The following HSD17B11 variants were observed in gnomAD, a reference collection of about 807,000 sequenced individuals.
HSD17B11 encodes estradiol 17-beta-dehydrogenase 11.
In HSD17B11, 22 loss-of-function variants were observed where a neutral mutation model predicts 27.8. That is an observed-to-expected ratio of 0.79 (90% confidence interval 0.56 to 1.13). HSD17B11 has a LOEUF of 1.13. HSD17B11 is among the 50% of genes most tolerant of loss of function. HSD17B11 has a pLI of 0.00. For synonymous variants in HSD17B11, 117 were observed against 132.8 expected (o/e 0.88, Z 0.82); for missense variants, 314 against 351.1 (o/e 0.89, Z 0.84).
At position 87,370,964 on chromosome 4, in the gene HSD17B11, G is replaced by T. The variant is rs1296813086; in HGVS notation, c.557+1745C>A. Among the ~76,000 whole-genome samples the T allele has an allele frequency of 3.9e-5, 5 of 126,614 alleles. 1 individual carries two copies. Among genetic ancestry groups the T allele is most frequent in the African/African-American group, 1.8e-4 (5 of 27,702 alleles). The allele number at this position is 126,614 out of a possible 152,430, so 83.1% of individuals were successfully genotyped here. ...AGACGGGGTTTCACCGTGTTAGCCAGGATGGTCTCGATCTCCTGACCTCGT... is the reference window on the plus strand; with the variant it reads ...AGACGGGGTTTCACCGTGTTAGCCATGATGGTCTCGATCTCCTGACCTCGT... On this transcript the variant is annotated intron_variant, in intron 4 of 6. Transcript: ENST00000358290.
In HSD17B11 at chr4:87,360,568, G is replaced by C. The variant is rs537409655; in HGVS notation, c.558-3152C>G. Among the ~76,000 whole-genome samples, 8 of 152,308 alleles carry C rather than the reference G, an allele frequency of 5.3e-5. No homozygotes were observed. In the East Asian group the frequency reaches 1.5e-3, roughly 29 times the overall value. On this transcript the variant is annotated intron_variant, in intron 4 of 6. Transcript: ENST00000358290. The stretch of plus-strand genomic sequence containing the variant: ...CAAATGCATACAGTGATTGGCTCCA[G>C]GCTAGTCTAGTCACTGACCTCTAGA...
intron 4 of HSD17B11, among the ~76,000 whole-genome samples, chr4:87,357,949 ATTTT>A (rs57139706): frequency 0.018 from 1,459 of 80,220 alleles, 51 homozygotes; most frequent in African/African-American, 0.056. Flanking sequence ...CATTAGAGAA[ATTTT>A]TTTTTTTTTT....
chr4:87,360,052 C>T (rs1203708214), intron 4 of HSD17B11, among the ~76,000 whole-genome samples: 1 of 152,006 alleles, frequency 6.6e-6, no homozygotes, highest in Non-Finnish European at 1.5e-5. Context: ...AAATGATTTA[C>T]TTTAGGAATA....
chr4:87,358,126 T>G (rs1735427990), intron 4 of HSD17B11, among the ~76,000 whole-genome samples: 2 of 151,960 alleles, frequency 1.3e-5, no homozygotes, highest in African/African-American at 4.8e-5. Flanking sequence ...CATGCTCGGC[T>G]AATTTTTTGT....
At position 87,378,845 on chromosome 4, in the gene HSD17B11, AATATATATATAAATATATATAAAT is replaced by A. The variant is rs1720005770; in HGVS notation, c.318+3386_318+3409del. ...ATATATATATAAATATATATATATA[AATATATATATAAATATATATAAAT>A]ATATATATATAAATATATATATATA... On this transcript the variant is annotated intron_variant, in intron 2 of 6. Transcript: ENST00000358290. Among the ~76,000 whole-genome samples the A allele has an allele frequency of 1.1e-4, 2 of 18,122 alleles. 1 individual carries two copies. Among genetic ancestry groups the A allele is most frequent in the Non-Finnish European group, 2.0e-4 (2 of 10,080 alleles). The allele number at this position is 18,122 out of a possible 152,430, so 11.9% of individuals were successfully genotyped here.
Position 87,378,927 on chromosome 4 carries a change from T to C in HSD17B11, c.318+3328A>G, listed in dbSNP as rs58610685. ...ATAAATATATATATATAAATATATATAAATATATATATATATATATTTATA... is the reference window on the plus strand; with the variant it reads ...ATAAATATATATATATAAATATATACAAATATATATATATATATATTTATA... On this transcript the variant is annotated intron_variant, in intron 2 of 6. Coordinates refer to ENST00000358290, the MANE Select transcript of HSD17B11 (RefSeq NM_016245.5). 1.6e-4 allele frequency among the ~76,000 whole-genome samples: 2 copies of C among 12,698 alleles called. 1 individual carries two copies. The highest frequency in any genetic ancestry group is 1.2e-3 in the African/African-American group (2 of 1,724). 8.3% of individuals were successfully genotyped at this position (12,698 alleles called of 152,430 possible).
intron 1 of HSD17B11, among the ~76,000 whole-genome samples, chr4:87,383,348 T>A (rs2110132997): frequency 6.6e-6 from 1 of 152,212 alleles, no homozygotes; most frequent in Non-Finnish European, 1.5e-5. Flanking sequence ...GGAGGGTGGA[T>A]TTTAGGGGTC....
In HSD17B11 at chr4:87,380,863, CAA is replaced by C. The variant is rs561938045; in HGVS notation, c.318+1390_318+1391del. ...ACAAAGCTAGAGCTAGACTCTATCT[CAA>C]AAAAAAAAAAAAAAAAAAAAAAAAA... On this transcript the variant is annotated intron_variant, in intron 2 of 6. Coordinates refer to ENST00000358290, the MANE Select transcript of HSD17B11 (RefSeq NM_016245.5). Among the ~76,000 whole-genome samples the C allele has an allele frequency of 3.1e-4, 23 of 74,720 alleles. No homozygotes were observed. In the East Asian group the frequency reaches 4.6e-3, roughly 15 times the overall value. The allele number at this position is 74,720 out of a possible 152,430, so 49.0% of individuals were successfully genotyped here.
chr4:87,360,634 T>TC (rs1391587189), intron 4 of HSD17B11, among the ~76,000 whole-genome samples: 1 of 152,232 alleles, frequency 6.6e-6, no homozygotes, highest in Non-Finnish European at 1.5e-5. Flanking sequence ...ATGTTTTTTT[T>TC]CCCTTCCTGC....
intron 1 of HSD17B11, among the ~76,000 whole-genome samples, chr4:87,387,564 G>C (rs1341822269): frequency 6.6e-6 from 1 of 152,168 alleles, no homozygotes; most frequent in African/African-American, 2.4e-5. Context: ...ATCAGGTTTA[G>C]TGGTTCTCAG....
chr4:87,354,265 G>A (rs182029300), intron 5 of HSD17B11, among the ~76,000 whole-genome samples: 45 of 151,912 alleles, frequency 3.0e-4, no homozygotes, highest in African/African-American at 1.0e-3. Context: ...AAGAGTTCGA[G>A]ACCAGCCTGA....
At chr4:87,361,082 C>T (rs1735503549) in intron 4 of HSD17B11, among the ~76,000 whole-genome samples, 1 of 152,138 alleles carries the variant, frequency 6.6e-6, no homozygotes, top group Non-Finnish European at 1.5e-5. Flanking sequence ...AGGCTGAAAC[C>T]TACCGGGCTG....
chr4:87,340,563 T>C lies in HSD17B11; in HGVS notation c.739A>G (p.Met247Val), dbSNP rs2110111794. ...LEPEEVVNRL[M>V]HGILTEQKMI... ...TTCTGCTCAGTCAGAATCCCATGCA[T>C]CAGCCTGTTTACCACTTCCTCAGGT... The change falls in exon 6 of 7, where the codon ATG becomes GTG. Residue 247 changes from methionine (M) to valine (V), a missense_variant. Met to Val is a conservative substitution (Grantham distance 21, BLOSUM62 1). Coordinates refer to ENST00000358290, the MANE Select transcript of HSD17B11 (RefSeq NM_016245.5). 1 of 1,613,320 alleles carries C rather than the reference T, an allele frequency of 6.2e-7. No individual in the cohort carries two copies.
At chr4:87,380,314 A>G (rs1720114081) in intron 2 of HSD17B11, among the ~76,000 whole-genome samples, 1 of 148,222 alleles carries the variant, frequency 6.7e-6, no homozygotes, top group Non-Finnish European at 1.5e-5. Flanking sequence ...CTCTACTAAA[A>G]ATACAAAAAT....
chr4:87,363,305 G>GA lies in HSD17B11; in HGVS notation c.558-5890dup, dbSNP rs928824888. Among the ~76,000 whole-genome samples, 257 of 151,574 alleles carry GA rather than the reference G, an allele frequency of 1.7e-3. 2 individuals carry two copies. Among genetic ancestry groups the GA allele is most frequent in the African/African-American group, 5.8e-3 (239 of 41,352 alleles). On this transcript the variant is annotated intron_variant, in intron 4 of 6. Coordinates refer to ENST00000358290, the MANE Select transcript of HSD17B11 (RefSeq NM_016245.5). ...CTCTGTGCAAACAGTTGAATGAATG[G>GA]AAAAAAAATCAGTGTTTATCACCTC...
At chr4:87,362,239 G>T (rs1217151802) in intron 4 of HSD17B11, among the ~76,000 whole-genome samples, 1 of 152,206 alleles carries the variant, frequency 6.6e-6, no homozygotes, top group Admixed American at 6.5e-5. Context: ...GATTTAGGAG[G>T]TTAGGCCAGG....
chr4:87,355,614 T>C (rs923501317), intron 5 of HSD17B11, among the ~76,000 whole-genome samples: 2 of 152,138 alleles, frequency 1.3e-5, no homozygotes, highest in East Asian at 3.9e-4. Context: ...TAAAAATCTC[T>C]AGAGCTCAGC....
chr4:87,347,346 T>G, intron 5 of HSD17B11, among the ~76,000 whole-genome samples: 1 of 45,472 alleles, frequency 2.2e-5, no homozygotes, highest in East Asian at 3.9e-4. Context: ...CATTGTTCAA[T>G]TCCCACCTAT....
intron 5 of HSD17B11, among the ~76,000 whole-genome samples, chr4:87,342,692 T>C (rs1735192372): frequency 6.6e-6 from 1 of 152,196 alleles, no homozygotes; most frequent in African/African-American, 2.4e-5. Flanking sequence ...ATTGGATCCA[T>C]GAAGGAGAGT....
Sources: gnomAD v4.1 joint callset for allele counts (sites outside exome capture counted in the v4.1 genomes callset) on GRCh38, gnomAD v4.1.1 for gene constraint, MANE v1.5 for transcripts, NCBI Gene and HGNC (gene_info 2026-07-23, HGNC 2026-07-21) for gene names.